SLC4A4: variants seen among roughly 807,000 people sequenced by gnomAD.
SLC4A4 encodes the protein electrogenic sodium bicarbonate cotransporter 1.
A neutral mutation model predicts 111.5 loss-of-function variants in SLC4A4; 27 were observed. The ratio of observed to expected loss-of-function variants is 0.24; its 90% CI spans 0.18 to 0.33. The LOEUF (loss-of-function observed/expected upper bound fraction) is 0.33, where lower values mean the gene tolerates loss of function less well. Ranked by LOEUF, SLC4A4 falls within the 10% of genes least tolerant of loss-of-function variation. SLC4A4 has a pLI of 1.00. For missense variants in SLC4A4, 909 were observed against 1,315.5 expected, an observed-to-expected ratio of 0.69 and a Z score of 4.78; for synonymous variants, 443 against 463.4, an observed-to-expected ratio of 0.96 and a Z score of 0.57.
intron 3 of SLC4A4, among the ~76,000 whole-genome samples, chr4:71,304,489 C>A (rs1208289921): frequency 5.9e-5 from 9 of 152,200 alleles, no homozygotes; most frequent in Admixed American, 5.9e-4. Flanking sequence ...GATGTCCAAG[C>A]ACATTGGTTG....
chr4:71,249,741 A>C (rs1028266740), intron 2 of SLC4A4, among the ~76,000 whole-genome samples: 1 of 152,058 alleles, frequency 6.6e-6, no homozygotes. Flanking sequence ...ATACAAAAAA[A>C]CTAGTTGGGC....
chr4:71,256,971 G>A (rs1180572145), intron 3 of SLC4A4, among the ~76,000 whole-genome samples: 1 of 152,170 alleles, frequency 6.6e-6, no homozygotes, highest in East Asian at 1.9e-4. Context: ...AAGTAAAGAG[G>A]TGCTCACCTA....
intron 15 of SLC4A4, 45 bp downstream of exon 15, chr4:71,487,063 T>A: frequency 9.0e-7 from 1 of 1,109,842 alleles, no homozygotes; most frequent in Non-Finnish European, 1.4e-6. Context: ...TGACTGCATA[T>A]TGTATACTTG....
chr4:71,291,115 G>T (rs1458859598), intron 3 of SLC4A4, among the ~76,000 whole-genome samples: 1 of 152,160 alleles, frequency 6.6e-6, no homozygotes, highest in Non-Finnish European at 1.5e-5. Flanking sequence ...CAGTCTAGTT[G>T]AATAAATGGA....
intron 14 of SLC4A4, among the ~76,000 whole-genome samples, chr4:71,485,362 T>A (rs1375528011): frequency 1.3e-5 from 2 of 151,760 alleles, no homozygotes; most frequent in Admixed American, 1.3e-4. Context: ...TTGAATTTTA[T>A]CCAAAGACTT....
intron 7 of SLC4A4, among the ~76,000 whole-genome samples, chr4:71,415,883 G>A (rs1721782091): frequency 6.6e-6 from 1 of 152,126 alleles, no homozygotes; most frequent in Admixed American, 6.6e-5. Flanking sequence ...CCTATTATCT[G>A]CTCAGCATTG....
At chr4:71,517,039 A>T (rs1375587183) in intron 16 of SLC4A4, among the ~76,000 whole-genome samples, 1 of 151,954 alleles carries the variant, frequency 6.6e-6, no homozygotes, top group Non-Finnish European at 1.5e-5. Flanking sequence ...TCTTTGTATT[A>T]TATTTTTTGT....
chr4:71,188,189 C>G (rs536883116), intron 1 of SLC4A4, among the ~76,000 whole-genome samples: 38 of 152,228 alleles, frequency 2.5e-4, no homozygotes, highest in African/African-American at 9.1e-4. Flanking sequence ...ATCAGCAAAC[C>G]GCAGCAAGCA....
At chr4:71,186,862 A>C (rs1745471347), upstream of SLC4A4, 1 of 152,148 alleles carries the variant, frequency 6.6e-6, no homozygotes, top group Non-Finnish European at 1.5e-5. Context: ...AGTGTTAGTT[A>C]CTAGCAGGAA....
chr4:71,454,023 G>A (rs531807804), intron 12 of SLC4A4, among the ~76,000 whole-genome samples: 24 of 152,290 alleles, frequency 1.6e-4, no homozygotes, highest in African/African-American at 5.5e-4. Flanking sequence ...TGTTAAACTT[G>A]ATGATTACAC....
chr4:71,350,667 T>C (rs1386609398), intron 5 of SLC4A4, among the ~76,000 whole-genome samples: 1 of 152,188 alleles, frequency 6.6e-6, no homozygotes, highest in East Asian at 1.9e-4. Flanking sequence ...ATCTATTTCT[T>C]CCAACACAAA....
chr4:71,319,531 C>T (rs1324296896), intron 3 of SLC4A4, among the ~76,000 whole-genome samples: 6 of 151,956 alleles, frequency 3.9e-5, no homozygotes, highest in Non-Finnish European at 8.8e-5. Context: ...TATTTCTTGG[C>T]ATTATTTTTT....
chr4:71,486,870 TAA>T lies in SLC4A4; in HGVS notation c.1904-74_1904-73del, dbSNP rs747897537. On this transcript the variant is annotated intron_variant, in intron 14 of 25. Transcript: ENST00000264485. The stretch of plus-strand genomic sequence containing the variant: ...CATTTTTACTGTATAACCCTGCTTT[TAA>T]AAATACCTAATTATGCATTTAAGGT... The T allele has an allele frequency of 0.1, 88,716 of 860,712 alleles. 5,478 individuals carry two copies. Among genetic ancestry groups the T allele is most frequent in the African/African-American group, 0.22 (12,691 of 58,170 alleles). The allele number at this position is 860,712 out of a possible 1,614,324, so 53.3% of individuals were successfully genotyped here. A position where few individuals can be genotyped will look rare whatever the true frequency, so the allele number is the denominator to read the frequency against.
chr4:71,496,982 C>G (rs1176173833), intron 15 of SLC4A4, among the ~76,000 whole-genome samples: 1 of 152,078 alleles, frequency 6.6e-6, no homozygotes, highest in Non-Finnish European at 1.5e-5. Flanking sequence ...GCTTAAATCA[C>G]CAGTCCCTAG....
At chr4:71,366,664 A>G (rs1385897282) in intron 6 of SLC4A4, among the ~76,000 whole-genome samples, 1 of 152,200 alleles carries the variant, frequency 6.6e-6, no homozygotes. Flanking sequence ...GCTCAAGTGT[A>G]AAAGAGGTAT....
At chr4:71,500,306 T>G (rs1730795509) in intron 16 of SLC4A4, among the ~76,000 whole-genome samples, 2 of 152,206 alleles carry the variant, frequency 1.3e-5, no homozygotes, top group South Asian at 2.1e-4. Context: ...CAATCCTGTT[T>G]GTCTATGTTT....
In SLC4A4 at chr4:71,325,986, G is replaced by T. The variant is rs138553893; in HGVS notation, c.254-13384G>T. Among the ~76,000 whole-genome samples, 307 of 151,988 alleles carry T rather than the reference G, an allele frequency of 2.0e-3. 1 individual carries two copies. Among genetic ancestry groups the T allele is most frequent in the African/African-American group, 6.2e-3 (256 of 41,490 alleles). Reference sequence around the variant, plus strand: ...ATTTATAAAGGTGAAAATGAAGTTTGAGGATTTTATATATATATTTAAGTG... The same window carrying T: ...ATTTATAAAGGTGAAAATGAAGTTTTAGGATTTTATATATATATTTAAGTG... On this transcript the variant is annotated intron_variant, in intron 3 of 25. Transcript: ENST00000264485.
intron 6 of SLC4A4, among the ~76,000 whole-genome samples, chr4:71,367,079 G>A (rs974126278): frequency 3.3e-5 from 5 of 152,172 alleles, no homozygotes; most frequent in African/African-American, 1.2e-4. Flanking sequence ...CCCCTTGATG[G>A]TGAGGCTCTG....
intron 2 of SLC4A4, among the ~76,000 whole-genome samples, chr4:71,141,789 T>C (rs1744005420): frequency 6.6e-6 from 1 of 152,246 alleles, no homozygotes; most frequent in Admixed American, 6.5e-5. Context: ...GATGAATCAA[T>C]TCATTGATAT....
Sources: allele counts gnomAD v4.1 joint callset (sites outside exome capture counted in the v4.1 genomes callset), GRCh38; gene constraint gnomAD v4.1.1; transcripts MANE v1.5; gene names NCBI Gene and HGNC (gene_info 2026-07-23, HGNC 2026-07-21).